MACROD2: variants seen among roughly 807,000 people sequenced by gnomAD.
The protein encoded by MACROD2 is mono-ADP ribosylhydrolase 2, also known as ADP-ribose glycohydrolase MACROD2.
MACROD2 carries 36 observed loss-of-function variants against 70.4 expected under a neutral mutation model. The observed-to-expected ratio is 0.51, with a 90% CI of 0.39 to 0.68. MACROD2 has a LOEUF of 0.68. MACROD2 is among the 30% of genes least tolerant of loss of function. The pLI is 0.00. For synonymous variants in MACROD2, 172 were observed against 178.8 expected (o/e 0.96, Z 0.30); for missense variants, 496 against 538.4 (o/e 0.92, Z 0.78).
chr20:15,430,913 T>C (rs2146356785), intron 6 of MACROD2, among the ~76,000 whole-genome samples: 2 of 152,128 alleles, frequency 1.3e-5, no homozygotes, highest in Middle Eastern at 3.4e-3. Flanking sequence ...GGGTCATGAA[T>C]GTTAATTGAT....
At chr20:14,057,999 A>T (rs1389502469) in intron 2 of MACROD2, among the ~76,000 whole-genome samples, 1 of 152,186 alleles carries the variant, frequency 6.6e-6, no homozygotes, top group Non-Finnish European at 1.5e-5. Flanking sequence ...TATAAAATAC[A>T]AAAGCAGGCA....
At chr20:15,814,222 C>G (rs1007202589) in intron 8 of MACROD2, among the ~76,000 whole-genome samples, 2 of 152,200 alleles carry the variant, frequency 1.3e-5, no homozygotes, top group Non-Finnish European at 2.9e-5. Context: ...TTTTTAGCTT[C>G]CAGTATCTGC....
intron 8 of MACROD2, among the ~76,000 whole-genome samples, chr20:15,502,356 A>G (rs2047374887): frequency 6.6e-6 from 1 of 152,182 alleles, no homozygotes. Context: ...GCTAGCAATG[A>G]TGAGACCCAA....
At chr20:15,594,717 A>T (rs2423966) in intron 8 of MACROD2, among the ~76,000 whole-genome samples, 73,949 of 152,060 alleles carry the variant, frequency 0.49, 19,557 homozygotes, top group Admixed American at 0.61. Context: ...AATGTTTAAC[A>T]TATTGATTTG....
chr20:15,922,463 T>G (rs2065424147), intron 10 of MACROD2, among the ~76,000 whole-genome samples: 1 of 152,224 alleles, frequency 6.6e-6, no homozygotes, highest in African/African-American at 2.4e-5. Flanking sequence ...GACATATATG[T>G]AACATTTATA....
intron 2 of MACROD2, among the ~76,000 whole-genome samples, chr20:14,079,228 G>T (rs932080086): frequency 2.6e-5 from 4 of 152,192 alleles, no homozygotes; most frequent in Admixed American, 6.5e-5. Context: ...CCTGTGGAAA[G>T]GACTATGCCA....
intron 5 of MACROD2, among the ~76,000 whole-genome samples, chr20:14,861,578 G>GATC (rs1310761178): frequency 2.6e-5 from 4 of 151,918 alleles, no homozygotes; most frequent in African/African-American, 9.7e-5. Context: ...ACTCTGCATG[G>GATC]ATCAACCTCC....
chr20:15,039,283 T>C (rs1293708014), intron 5 of MACROD2, among the ~76,000 whole-genome samples: 1 of 152,224 alleles, frequency 6.6e-6, no homozygotes, highest in Admixed American at 6.5e-5. Context: ...TCTTGGCCTC[T>C]CTGTGTAGCA....
chr20:14,262,369 T>C (rs1318091513), intron 3 of MACROD2, among the ~76,000 whole-genome samples: 1 of 152,166 alleles, frequency 6.6e-6, no homozygotes, highest in Non-Finnish European at 1.5e-5. Context: ...TCTGATTGCA[T>C]TGTGTTATTA....
At chr20:14,687,491 A>G (rs2071016198) in intron 5 of MACROD2, among the ~76,000 whole-genome samples, 1 of 152,222 alleles carries the variant, frequency 6.6e-6, no homozygotes, top group African/African-American at 2.4e-5. Flanking sequence ...AAGATCAGTG[A>G]GTCAATACCA....
chr20:14,029,628 T>C (rs991126348), intron 2 of MACROD2, among the ~76,000 whole-genome samples: 3 of 152,162 alleles, frequency 2.0e-5, no homozygotes, highest in Non-Finnish European at 2.9e-5. Context: ...CTGAATGAAG[T>C]GGACTCTGAC....
chr20:14,466,433 G>A (rs112344794), intron 3 of MACROD2, among the ~76,000 whole-genome samples: 3 of 151,918 alleles, frequency 2.0e-5, no homozygotes, highest in Non-Finnish European at 2.9e-5. Flanking sequence ...TTATCCATTC[G>A]TCTAATTTTT....
chr20:15,839,804 GTAT>G (rs1568590382), intron 8 of MACROD2, among the ~76,000 whole-genome samples: 1 of 152,016 alleles, frequency 6.6e-6, no homozygotes, highest in African/African-American at 2.4e-5. Context: ...GAATCATTCT[GTAT>G]TATTATATTA....
chr20:15,833,382 G>A (rs1019685125), intron 8 of MACROD2, among the ~76,000 whole-genome samples: 1 of 152,102 alleles, frequency 6.6e-6, no homozygotes, highest in Non-Finnish European at 1.5e-5. Flanking sequence ...GCTTTAAACC[G>A]CTGCCCTTGT....
intron 8 of MACROD2, among the ~76,000 whole-genome samples, chr20:15,706,661 A>T (rs542060246): frequency 7.0e-4 from 107 of 152,338 alleles, no homozygotes; most frequent in Non-Finnish European, 1.6e-4. Flanking sequence ...AATCCCAAAA[A>T]GTTCAAATAA....
chr20:14,965,342 C>A (rs548694079), intron 5 of MACROD2, among the ~76,000 whole-genome samples: 70 of 151,868 alleles, frequency 4.6e-4, no homozygotes, highest in Non-Finnish European at 1.2e-4. Flanking sequence ...TAACACAATT[C>A]CAAATGCCAT....
chr20:15,757,989 C>T (rs2051373708), intron 8 of MACROD2, among the ~76,000 whole-genome samples: 1 of 152,160 alleles, frequency 6.6e-6, no homozygotes, highest in Non-Finnish European at 1.5e-5. Context: ...CCAAACCATG[C>T]CCACAAAAAG....
intron 8 of MACROD2, among the ~76,000 whole-genome samples, chr20:15,668,525 G>A (rs1396949872): frequency 6.6e-6 from 1 of 151,822 alleles, no homozygotes; most frequent in African/African-American, 2.4e-5. Context: ...CCGAGGTCAT[G>A]CCACTGCACT....
chr20:15,579,049 C>T (rs188973285), intron 8 of MACROD2, among the ~76,000 whole-genome samples: 33 of 152,214 alleles, frequency 2.2e-4, no homozygotes, highest in Admixed American at 1.8e-3. Flanking sequence ...TTGAATTGGT[C>T]GTTCTAAACT....
Sources: allele counts gnomAD v4.1 joint callset (sites outside exome capture counted in the v4.1 genomes callset), GRCh38; gene constraint gnomAD v4.1.1; transcripts MANE v1.5; gene names NCBI Gene and HGNC (gene_info 2026-07-23, HGNC 2026-07-21).